GARIN5A: variants seen among roughly 807,000 people sequenced by gnomAD.
GARIN5A encodes Golgi-associated RAB2 interactor protein 5A.
chr19:50,473,934 C>T, the GARIN5A span, among the ~76,000 whole-genome samples: 1 of 151,880 alleles, frequency 6.6e-6, no homozygotes, highest in Non-Finnish European at 1.5e-5. Context: ...TTGCAGTGAG[C>T]CGAGGTTGTG....
At chr19:50,475,603 T>C in the GARIN5A span, 1 of 806,358 alleles carries the variant, frequency 1.2e-6, no homozygotes, top group Non-Finnish European at 1.9e-6. Flanking sequence ...GAAATTAAAG[T>C]TCAAGAATCA....
At chr19:50,476,560 G>A in the GARIN5A span, 1 of 1,574,942 alleles carries the variant, frequency 6.3e-7, no homozygotes, top group Non-Finnish European at 8.6e-7. Flanking sequence ...GGCAGCCAGC[G>A]CTGGGGCAAC....
the GARIN5A span, chr19:50,476,480 T>A: frequency 1.9e-6 from 3 of 1,574,898 alleles, no homozygotes; most frequent in Non-Finnish European, 2.6e-6. Context: ...TGCGGCCTGT[T>A]CCTCCCGGCG....
the GARIN5A span, among the ~76,000 whole-genome samples, chr19:50,470,991 T>C: frequency 6.6e-6 from 1 of 151,680 alleles, no homozygotes; most frequent in Non-Finnish European, 1.5e-5. Context: ...TGAGAAAGGG[T>C]CCTGTTCCCA....
At chr19:50,476,719 T>G in the GARIN5A span, 1 of 1,062,216 alleles carries the variant, frequency 9.4e-7, no homozygotes, top group Middle Eastern at 3.2e-4. Flanking sequence ...GTCTTGGGTC[T>G]TTAGGTGAGT....
At chr19:50,476,768 A>C in the GARIN5A span, 1 of 692,658 alleles carries the variant, frequency 1.4e-6, no homozygotes, top group Middle Eastern at 4.2e-4. Context: ...GAGAGGGAAG[A>C]GGTGGGAGAT....
the GARIN5A span, chr19:50,467,834 G>A: frequency 6.2e-7 from 1 of 1,612,604 alleles, no homozygotes; most frequent in Non-Finnish European, 8.5e-7. Context: ...AACAGCCTGG[G>A]TGGGAGGAAG....
chr19:50,476,405 C>T, the GARIN5A span: 2 of 1,549,510 alleles, frequency 1.3e-6, no homozygotes, highest in African/African-American at 2.7e-5. Context: ...GACGTCAGGC[C>T]CCAGGTGCGG....
the GARIN5A span, among the ~76,000 whole-genome samples, chr19:50,474,735 C>T: frequency 2.6e-5 from 4 of 152,122 alleles, no homozygotes; most frequent in Admixed American, 6.6e-5. Context: ...GATCTGCCTG[C>T]CTTGGCCTCC....
chr19:50,467,755 G>T, the GARIN5A span: 1 of 1,610,800 alleles, frequency 6.2e-7, no homozygotes, highest in Non-Finnish European at 8.5e-7. Context: ...GGTGCGGCTG[G>T]TGTTCAACTT....
the GARIN5A span, chr19:50,475,972 G>A: frequency 6.2e-7 from 1 of 1,605,314 alleles, no homozygotes; most frequent in Non-Finnish European, 8.5e-7. Context: ...GAAGTCTGGG[G>A]GTCGATCCTG....
At chr19:50,470,817 G>A in the GARIN5A span, among the ~76,000 whole-genome samples, 1 of 151,746 alleles carries the variant, frequency 6.6e-6, no homozygotes, top group African/African-American at 2.4e-5. Flanking sequence ...ACCATGCCCG[G>A]CTAATTTTTG....
chr19:50,469,800 C>T, the GARIN5A span, among the ~76,000 whole-genome samples: 4 of 152,148 alleles, frequency 2.6e-5, no homozygotes, highest in African/African-American at 9.7e-5. Context: ...CACCCTCACA[C>T]CTGTGCACAG....
At chr19:50,467,927 C>T in the GARIN5A span, 1 of 995,174 alleles carries the variant, frequency 1.0e-6, no homozygotes, top group East Asian at 2.6e-5. Flanking sequence ...CTCCCTCTGC[C>T]CCACGAATCC....
the GARIN5A span, chr19:50,475,280 G>C: frequency 6.5e-7 from 1 of 1,533,380 alleles, no homozygotes; most frequent in Non-Finnish European, 8.8e-7. Context: ...TCAGGTGCCT[G>C]GAGCTGAGGG....
At chr19:50,475,863 G>C in the GARIN5A span, 32 of 1,613,834 alleles carry the variant, frequency 2.0e-5, no homozygotes, top group Non-Finnish European at 2.5e-5. Context: ...AGATGGGGAA[G>C]TCCCGAAACT....
chr19:50,474,346 A>AT, the GARIN5A span, among the ~76,000 whole-genome samples: 866 of 124,362 alleles, frequency 7.0e-3, 9 homozygotes, highest in African/African-American at 0.015. Context: ...CACCTGGCTA[A>AT]TTTTTTTTTT....
At chr19:50,475,598 T>A in the GARIN5A span, 1 of 829,456 alleles carries the variant, frequency 1.2e-6, no homozygotes, top group Non-Finnish European at 1.9e-6. Context: ...ATCTTGAAAT[T>A]AAAGTTCAAG....
the GARIN5A span, chr19:50,467,914 C>T: frequency 8.5e-7 from 1 of 1,173,400 alleles, no homozygotes; most frequent in Non-Finnish European, 1.2e-6. Context: ...CACCTTGCCA[C>T]CCCTCCCTCT....
Sources: gnomAD v4.1 joint callset for allele counts (sites outside exome capture counted in the v4.1 genomes callset) on GRCh38, gnomAD v4.1.1 for gene constraint, MANE v1.5 for transcripts, NCBI Gene and HGNC (gene_info 2026-07-23, HGNC 2026-07-21) for gene names.